The following FNBP1L variants were observed in gnomAD, a reference collection of about 807,000 sequenced individuals.
FNBP1L encodes the protein formin-binding protein 1-like.
FNBP1L carries 36 observed loss-of-function variants against 91.2 expected under a neutral mutation model. The ratio of observed to expected loss-of-function variants is 0.39; its 90% CI spans 0.30 to 0.52. The LOEUF is 0.52. Among genes scored for constraint, FNBP1L ranks in the 20% least tolerant of loss-of-function variants. The pLI, the probability that FNBP1L is intolerant of heterozygous loss-of-function variation, is 0.66. For missense variants in FNBP1L, 571 were observed against 732.1 expected, an observed-to-expected ratio of 0.78 and a Z score of 2.54; for synonymous variants, 242 against 237.0, an observed-to-expected ratio of 1.02 and a Z score of -0.19.
chr1:93,476,768 C>T (rs930546506), intron 1 of FNBP1L, among the ~76,000 whole-genome samples: 1 of 151,978 alleles, frequency 6.6e-6, no homozygotes, highest in East Asian at 1.9e-4. Flanking sequence ...GGGTGTCTTT[C>T]TCAATGAAAA....
chr1:93,453,346 CA>C (rs1237934913), intron 1 of FNBP1L, among the ~76,000 whole-genome samples: 1 of 152,158 alleles, frequency 6.6e-6, no homozygotes, highest in Non-Finnish European at 1.5e-5. Flanking sequence ...TGCCTCTAAC[CA>C]GTATCTCCTT....
chr1:93,468,515 C>T (rs1332993112), intron 1 of FNBP1L, among the ~76,000 whole-genome samples: 4 of 152,134 alleles, frequency 2.6e-5, no homozygotes, highest in Admixed American at 6.5e-5. Context: ...ACTGCAGCCT[C>T]GACTTCCTGG....
intron 1 of FNBP1L, among the ~76,000 whole-genome samples, chr1:93,496,174 A>G (rs899441049): frequency 6.6e-6 from 1 of 152,026 alleles, no homozygotes; most frequent in Non-Finnish European, 1.5e-5. Flanking sequence ...AATCTGCTTT[A>G]CTTAAAACAC....
At chr1:93,472,216 G>A (rs1669311460) in intron 1 of FNBP1L, among the ~76,000 whole-genome samples, 1 of 152,106 alleles carries the variant, frequency 6.6e-6, no homozygotes, top group South Asian at 2.1e-4. Flanking sequence ...TTAAGTCAGG[G>A]AATTAGAAAT....
rs368447938 is a variant in FNBP1L at position 93,524,351 on chromosome 1, A to G, written c.405+28A>G. 64 of 1,461,190 alleles carry G rather than the reference A, an allele frequency of 4.4e-5. No individual in the cohort carries two copies. In the African/African-American group the frequency reaches 7.8e-4, roughly 18 times the overall value. The allele number at this position is 1,461,190 out of a possible 1,614,324, so 90.5% of individuals were successfully genotyped here. A position where few individuals can be genotyped will look rare whatever the true frequency, so the allele number is the denominator to read the frequency against. ...GAGTTATGACATTTTCATGGTTAAC[A>G]TAAAATCTTGTAGACTAGATTAGCC... is the stretch of plus-strand genomic sequence containing the variant. On this transcript the variant is annotated intron_variant, in intron 5 of 16. Transcript: ENST00000271234.
intron 1 of FNBP1L, among the ~76,000 whole-genome samples, chr1:93,483,017 A>T (rs919453308): frequency 8.4e-6 from 1 of 119,364 alleles, no homozygotes; most frequent in African/African-American, 3.7e-5. Flanking sequence ...GACTCCGTCT[A>T]AAAAAAACAA....
chr1:93,526,275 A>G (rs777526355), intron 5 of FNBP1L, among the ~76,000 whole-genome samples: 2 of 152,168 alleles, frequency 1.3e-5, no homozygotes, highest in Non-Finnish European at 2.9e-5. Flanking sequence ...CAGAGCTCAG[A>G]AATGGAGCAG....
At chr1:93,535,645 A>T (rs1671822980) in intron 9 of FNBP1L, among the ~76,000 whole-genome samples, 1 of 151,932 alleles carries the variant, frequency 6.6e-6, no homozygotes. Context: ...GTGTAGATAA[A>T]ATTAAAATTT....
chr1:93,470,557 G>A (rs1669248072), intron 1 of FNBP1L, among the ~76,000 whole-genome samples: 1 of 152,186 alleles, frequency 6.6e-6, no homozygotes, highest in Non-Finnish European at 1.5e-5. Context: ...GTTGTTAGAT[G>A]TCAATAGTTT....
chr1:93,502,739 A>G (rs1272356827), intron 2 of FNBP1L, among the ~76,000 whole-genome samples: 2 of 152,196 alleles, frequency 1.3e-5, no homozygotes, highest in Non-Finnish European at 2.9e-5. Flanking sequence ...ACACTTAAGG[A>G]ATTTGGCACA....
chr1:93,547,763 T>C (rs1427828153), intron 14 of FNBP1L, among the ~76,000 whole-genome samples: 2 of 152,124 alleles, frequency 1.3e-5, no homozygotes, highest in East Asian at 1.9e-4. Context: ...GGGTCGCTTA[T>C]GCCAAAGAAA....
intron 1 of FNBP1L, among the ~76,000 whole-genome samples, chr1:93,497,853 C>G (rs1052160191): frequency 2.0e-5 from 3 of 152,008 alleles, no homozygotes; most frequent in African/African-American, 7.2e-5. Flanking sequence ...CTCCTGACTT[C>G]AAGTGATCCA....
intron 1 of FNBP1L, among the ~76,000 whole-genome samples, chr1:93,475,333 G>A (rs901674207): frequency 6.6e-6 from 1 of 152,108 alleles, no homozygotes; most frequent in African/African-American, 2.4e-5. Context: ...CAAGGTGGGA[G>A]GATCACTTGA....
At chr1:93,540,452 A>G (rs1411384472) in intron 10 of FNBP1L, among the ~76,000 whole-genome samples, 1 of 152,162 alleles carries the variant, frequency 6.6e-6, no homozygotes, top group African/African-American at 2.4e-5. Context: ...TTGAATCTGG[A>G]TAACTCACTA....
intron 1 of FNBP1L, among the ~76,000 whole-genome samples, chr1:93,489,619 A>G (rs777496863): frequency 7.2e-5 from 11 of 152,172 alleles, no homozygotes; most frequent in Non-Finnish European, 1.6e-4. Flanking sequence ...AAGTCACTAC[A>G]ACCTTAATTT....
intron 1 of FNBP1L, among the ~76,000 whole-genome samples, chr1:93,492,255 T>C (rs965696461): frequency 2.0e-5 from 3 of 152,102 alleles, no homozygotes; most frequent in African/African-American, 7.2e-5. Flanking sequence ...AGAAAATGAA[T>C]TCTTTATGGG....
chr1:93,455,085 C>T (rs1298566602), intron 1 of FNBP1L, among the ~76,000 whole-genome samples: 1 of 152,084 alleles, frequency 6.6e-6, no homozygotes. Context: ...CCCACCACCA[C>T]GCCTGGCTAA....
intron 2 of FNBP1L, among the ~76,000 whole-genome samples, chr1:93,503,218 TGGA>T (rs1209115084): frequency 1.3e-5 from 2 of 152,070 alleles, no homozygotes; most frequent in African/African-American, 4.8e-5. Context: ...ATAATCATGG[TGGA>T]AGGAGAAGAA....
At chr1:93,466,970 C>T (rs1669101824) in intron 1 of FNBP1L, among the ~76,000 whole-genome samples, 1 of 152,158 alleles carries the variant, frequency 6.6e-6, no homozygotes, top group South Asian at 2.1e-4. Context: ...TATTCTCCTG[C>T]CTCAGCCTCC....
Sources: gnomAD v4.1 joint callset for allele counts (sites outside exome capture counted in the v4.1 genomes callset) on GRCh38, gnomAD v4.1.1 for gene constraint, MANE v1.5 for transcripts, NCBI Gene and HGNC (gene_info 2026-07-23, HGNC 2026-07-21) for gene names.